CNTLN: variants seen among roughly 807,000 people sequenced by gnomAD.
The protein encoded by CNTLN is centlein, also known as centlein, centrosomal protein.
Under a neutral mutation model 180.0 loss-of-function variants are expected in CNTLN, and 212 were observed. The ratio of observed to expected loss-of-function variants is 1.18; its 90% CI spans 1.05 to 1.32. The LOEUF (loss-of-function observed/expected upper bound fraction) is 1.32. CNTLN is among the 40% of genes most tolerant of loss of function. CNTLN has a pLI of 0.00. For synonymous variants in CNTLN, 722 were observed against 563.1 expected (o/e 1.28, Z -3.99); for missense variants, 2,095 against 1,610.9 (o/e 1.30, Z -5.14).
chr9:17,428,992 G>T (rs747211696), intron 18 of CNTLN, among the ~76,000 whole-genome samples: 1 of 151,706 alleles, frequency 6.6e-6, no homozygotes, highest in Non-Finnish European at 1.5e-5. Flanking sequence ...GTCTATTATC[G>T]TGAGTTATTT....
intron 12 of CNTLN, among the ~76,000 whole-genome samples, chr9:17,364,711 T>C (rs1255587401): frequency 1.3e-5 from 2 of 152,204 alleles, no homozygotes; most frequent in Admixed American, 6.5e-5. Context: ...AATTATTTTC[T>C]GTGGTGGCTT....
chr9:17,266,886 G>T (rs546045556), intron 5 of CNTLN, among the ~76,000 whole-genome samples: 9 of 151,932 alleles, frequency 5.9e-5, no homozygotes, highest in African/African-American at 2.2e-4. Flanking sequence ...TTTTCCATTT[G>T]CTTGGTAGAT....
chr9:17,205,783 G>A (rs531978840), intron 2 of CNTLN, among the ~76,000 whole-genome samples: 78 of 152,186 alleles, frequency 5.1e-4, no homozygotes, highest in Non-Finnish European at 9.0e-4. Flanking sequence ...GAATCCTGCT[G>A]CATGCTACCA....
rs749593610 is a variant in CNTLN, at chr9:17,332,710, G to C, written c.1624G>C (p.Glu542Gln). ...AGCTGAAAGAAAGATTGAAAACTTA[G>C]AGAAGGCACTACAACTAAAGGTGAA... Reference protein sequence around the residue: ...RKAERKIENLEKALQLKSQEN... With the variant: ...RKAERKIENLQKALQLKSQEN... Residue 542 changes from glutamate to glutamine, a missense_variant, in exon 10 of 26, where the codon GAG becomes CAG. Physicochemically the swap from Glu to Gln is conservative, Grantham distance 29. Coordinates refer to ENST00000380647, the MANE Select transcript of CNTLN (RefSeq NM_017738.4). 8.7e-6 allele frequency: 14 copies of C among 1,603,392 alleles called. No homozygotes were observed. In the African/African-American group the frequency reaches 1.9e-4, roughly 22 times the overall value.
intron 6 of CNTLN, among the ~76,000 whole-genome samples, chr9:17,279,703 C>G (rs2132568909): frequency 6.6e-6 from 1 of 151,860 alleles, no homozygotes; most frequent in Non-Finnish European, 1.5e-5. Context: ...CAAACCTGGT[C>G]TTTAAAGGGA....
intron 7 of CNTLN, chr9:17,302,178 A>G (rs1305800107): frequency 1.1e-6 from 1 of 917,412 alleles, no homozygotes; most frequent in Non-Finnish European, 1.3e-6. Context: ...AAGCTATAAC[A>G]TCATATTAAC....
At chr9:17,298,451 ACTTC>A in intron 7 of CNTLN, 99 bp downstream of exon 7, 1 of 1,355,188 alleles carries the variant, frequency 7.4e-7, no homozygotes, top group South Asian at 2.1e-5. Context: ...TTTAATTTTT[ACTTC>A]CTTTTACATG....
the CNTLN span, among the ~76,000 whole-genome samples, chr9:17,518,091 G>A: frequency 2.6e-5 from 3 of 116,862 alleles, no homozygotes; most frequent in Admixed American, 1.3e-4. Context: ...CACCCAGGCT[G>A]GAGCACAGTG....
At chr9:17,487,962 A>T (rs868687425) in intron 25 of CNTLN, among the ~76,000 whole-genome samples, 17 of 152,102 alleles carry the variant, frequency 1.1e-4, no homozygotes, top group Middle Eastern at 3.4e-3. Context: ...CTAATTTTTT[A>T]TTTTTTAAAT....
At chr9:17,256,954 C>A (rs1324395601) in intron 5 of CNTLN, among the ~76,000 whole-genome samples, 1 of 151,620 alleles carries the variant, frequency 6.6e-6, no homozygotes, top group East Asian at 1.9e-4. Context: ...GACCAATGAC[C>A]TCCTATACAT....
intron 13 of CNTLN, among the ~76,000 whole-genome samples, chr9:17,378,429 T>C (rs922504671): frequency 2.6e-5 from 4 of 152,200 alleles, no homozygotes; most frequent in African/African-American, 9.6e-5. Flanking sequence ...TCCACATGCC[T>C]TGACCTCCCA....
intron 1 of CNTLN, among the ~76,000 whole-genome samples, chr9:17,139,186 C>G (rs1244599457): frequency 1.3e-5 from 2 of 152,106 alleles, no homozygotes; most frequent in Non-Finnish European, 2.9e-5. Flanking sequence ...CTCCCTGGTT[C>G]AAGCTATTGT....
At chr9:17,200,879 G>C (rs930964951) in intron 2 of CNTLN, among the ~76,000 whole-genome samples, 5 of 152,212 alleles carry the variant, frequency 3.3e-5, no homozygotes, top group African/African-American at 7.2e-5. Context: ...ATAAATTGGA[G>C]TGGTGAGAGA....
At chr9:17,459,849 C>G (rs1831350734) in intron 19 of CNTLN, among the ~76,000 whole-genome samples, 2 of 151,642 alleles carry the variant, frequency 1.3e-5, no homozygotes. Flanking sequence ...CCTGAATTAT[C>G]TGTTTAAAGG....
intron 8 of CNTLN, among the ~76,000 whole-genome samples, chr9:17,317,401 C>T (rs952258489): frequency 6.6e-6 from 1 of 152,124 alleles, no homozygotes; most frequent in African/African-American, 2.4e-5. Flanking sequence ...TTAACTACAA[C>T]TCTCCATCAA....
chr9:17,432,936 G>C (rs1287288279), intron 18 of CNTLN, among the ~76,000 whole-genome samples: 1 of 148,888 alleles, frequency 6.7e-6, no homozygotes. Context: ...CAGGAGAATA[G>C]CTTGAGCCCA....
chr9:17,155,828 G>C (rs1379895725), intron 2 of CNTLN, among the ~76,000 whole-genome samples: 1 of 152,094 alleles, frequency 6.6e-6, no homozygotes, highest in East Asian at 1.9e-4. Context: ...CTGCCCAATT[G>C]GCTGCCCAGT....
intron 6 of CNTLN, among the ~76,000 whole-genome samples, chr9:17,288,082 T>G (rs896385395): frequency 7.4e-6 from 1 of 134,608 alleles, no homozygotes; most frequent in African/African-American, 3.2e-5. Flanking sequence ...CTTTTCTAGT[T>G]CTTTTAATTG....
intron 8 of CNTLN, among the ~76,000 whole-genome samples, chr9:17,322,626 C>G (rs1301723368): frequency 1.3e-5 from 2 of 151,004 alleles, no homozygotes; most frequent in Non-Finnish European, 3.0e-5. Context: ...TTTTTTTTTC[C>G]TACTATTATT....
Sources: allele counts gnomAD v4.1 joint callset (sites outside exome capture counted in the v4.1 genomes callset), GRCh38; gene constraint gnomAD v4.1.1; transcripts MANE v1.5; gene names NCBI Gene and HGNC (gene_info 2026-07-23, HGNC 2026-07-21).